SAP130: variants seen among roughly 807,000 people sequenced by gnomAD.
The protein encoded by SAP130 is Sin3A associated protein 130.
SAP130 carries 16 observed loss-of-function variants against 103.2 expected under a neutral mutation model. The ratio of observed to expected loss-of-function variants is 0.16; its 90% confidence interval spans 0.10 to 0.24. The LOEUF (loss-of-function observed/expected upper bound fraction) is 0.24, where lower values mean the gene tolerates loss of function less well. Ranked by LOEUF, SAP130 falls within the 10% of genes least tolerant of loss-of-function variation. The probability of loss-of-function intolerance (pLI) is 1.00; values close to 1 mark genes in which losing one functional copy is unlikely to be tolerated. For missense variants in SAP130, 990 were observed against 1,359.7 expected, an observed-to-expected ratio of 0.73 and a Z score of 4.28; for synonymous variants, 477 against 497.0, an observed-to-expected ratio of 0.96 and a Z score of 0.53.
intron 2 of SAP130, among the ~76,000 whole-genome samples, chr2:128,024,107 T>C (rs1001025838): frequency 9.2e-5 from 14 of 152,132 alleles, no homozygotes; most frequent in Admixed American, 2.0e-4. Context: ...GAAATATGAG[T>C]AGATACCATC....
intron 5 of SAP130, among the ~76,000 whole-genome samples, chr2:128,013,520 C>A (rs4392195): frequency 2.6e-5 from 4 of 151,858 alleles, no homozygotes; most frequent in South Asian, 2.1e-4. Context: ...TCGACATTGC[C>A]AAAGGGACAC....
At chr2:127,967,241 G>C (rs1680719847) in intron 15 of SAP130, among the ~76,000 whole-genome samples, 1 of 152,096 alleles carries the variant, frequency 6.6e-6, no homozygotes, top group Admixed American at 6.6e-5. Context: ...CTCCCTACCA[G>C]GGCAGAACTC....
chr2:127,955,889 CAGT>C lies in SAP130; in HGVS notation c.2064-548_2064-546del, dbSNP rs199790107. Among the ~76,000 whole-genome samples the C allele has an allele frequency of 8.0e-3, 1,213 of 152,282 alleles. 27 individuals carry two copies. Among genetic ancestry groups the C allele is most frequent in the African/African-American group, 0.026 (1,075 of 41,548 alleles). On this transcript the variant is annotated intron_variant, in intron 15 of 20. Coordinates refer to ENST00000643581, the MANE Select transcript of SAP130 (RefSeq NM_001330301.2). This position sits in a 1 kb window ranked among gnomAD's most constrained non-coding sequence, Gnocchi z 4.9. ...TGTCCTGCTCCCAAGTTTTTATAAG[CAGT>C]AATAAAATTAACTAAGAAAATAACA...
chr2:127,945,325 A>T, intron 19 of SAP130, 131 bp downstream of exon 19: 1 of 620,420 alleles, frequency 1.6e-6, no homozygotes, highest in Non-Finnish European at 2.9e-6. Context: ...TAGCACACAT[A>T]AAAATTCTAT....
At chr2:128,003,965 T>C (rs1168994176) in intron 7 of SAP130, among the ~76,000 whole-genome samples, 18 of 102,082 alleles carry the variant, frequency 1.8e-4, no homozygotes, top group Middle Eastern at 9.6e-3. Flanking sequence ...AGCTTTTTTT[T>C]TTTTTTTTTT....
chr2:127,964,321 CCA>C (rs1392819063), intron 15 of SAP130, among the ~76,000 whole-genome samples: 1 of 151,878 alleles, frequency 6.6e-6, no homozygotes, highest in East Asian at 1.9e-4. Context: ...TGGTAAAACC[CCA>C]CCTCTACTAA....
At chr2:127,977,087 G>A (rs941310361) in intron 15 of SAP130, among the ~76,000 whole-genome samples, 5 of 152,064 alleles carry the variant, frequency 3.3e-5, no homozygotes, top group Non-Finnish European at 7.4e-5. Flanking sequence ...TGGCAATGTG[G>A]GTAGAGAATG....
rs770027518 is a variant in SAP130, at chr2:128,014,855, G to A, written c.567C>T (p.Arg189=). 6.8e-6 allele frequency: 11 copies of A among 1,614,190 alleles called. No individual in the cohort carries two copies. The highest frequency in any genetic ancestry group is 3.3e-5 in the Admixed American group (2 of 60,026). The change falls in exon 5 of 21, where the codon CGC becomes CGT. Residue 189 remains arginine (R), a synonymous_variant. Coordinates refer to ENST00000643581, the MANE Select transcript of SAP130 (RefSeq NM_001330301.2). ...GAAGAGGGGGCCCAGGAGCATTGCT[G>A]CGGATGATAGACATTTGCACATTTG... is the stretch of plus-strand genomic sequence containing the variant. The part of the protein sequence containing the change: ...MTTNVQMSII[R]SNAPGPPLHI...
chr2:127,996,729 T>C lies in SAP130; in HGVS notation c.1214-238A>G, dbSNP rs1160255906. 6.6e-6 allele frequency among the ~76,000 whole-genome samples: 1 copy of C among 152,152 alleles called. No individual in the cohort carries two copies. The highest frequency in any genetic ancestry group is 2.4e-5 in the African/African-American group (1 of 41,430). On this transcript the variant is annotated intron_variant, in intron 10 of 20. Transcript: ENST00000643581. This position sits in a 1 kb window ranked among gnomAD's most constrained non-coding sequence, Gnocchi z 4.3. ...TTCAACATTAATACTGAAACAAAGA[T>C]AGAAGTGACCAGGCTCTTTTCTCCC...
chr2:128,010,446 T>C, intron 6 of SAP130, 53 bp from the exon 7 acceptor site: 1 of 1,542,770 alleles, frequency 6.5e-7, no homozygotes, highest in South Asian at 1.2e-5. Context: ...ATAGAGGAAG[T>C]CAAATACTAA....
intron 6 of SAP130, among the ~76,000 whole-genome samples, chr2:128,011,524 G>A (rs879816493): frequency 6.6e-6 from 1 of 152,108 alleles, no homozygotes; most frequent in African/African-American, 2.4e-5. Context: ...TCTCACACTA[G>A]GGCTACAGCA....
intron 18 of SAP130, among the ~76,000 whole-genome samples, chr2:127,949,667 A>C (rs998048565): frequency 6.6e-6 from 1 of 152,234 alleles, no homozygotes; most frequent in African/African-American, 2.4e-5. Context: ...CAATAAATAC[A>C]CACAGCTTGC....
intron 1 of SAP130, chr2:128,027,294 T>G: frequency 1.7e-6 from 2 of 1,153,372 alleles, no homozygotes; most frequent in Non-Finnish European, 1.1e-6. Context: ...CGCAGTCCTC[T>G]TCCCCCGAAC....
At chr2:127,976,715 T>A (rs1377666897) in intron 15 of SAP130, among the ~76,000 whole-genome samples, 4 of 152,120 alleles carry the variant, frequency 2.6e-5, no homozygotes, top group Non-Finnish European at 5.9e-5. Context: ...ATAGAGACCA[T>A]CCTGGCCAAC....
rs922869081 is a variant in SAP130, at chr2:128,025,820, C to A, written c.112+361G>T. Among the ~76,000 whole-genome samples the A allele has an allele frequency of 1.3e-5, 2 of 152,176 alleles. 1 individual carries two copies. On this transcript the variant is annotated intron_variant, in intron 2 of 20. Coordinates refer to ENST00000643581, the MANE Select transcript of SAP130 (RefSeq NM_001330301.2). ...ACCGCATATCCTTTGTTTTCCACTT[C>A]TTTTCCTAGATAATAAACCCCTAAA... is the stretch of plus-strand genomic sequence containing the variant.
intron 18 of SAP130, among the ~76,000 whole-genome samples, chr2:127,947,764 C>CTGTGTGTGTGAGTGTGAGTGTG (rs147211610): frequency 1.4e-5 from 2 of 143,312 alleles, no homozygotes; most frequent in African/African-American, 2.6e-5. Context: ...TTGTGTGTGT[C>CTGTGTGTGTGAGTGTGAGTGTG]TGTGTGTGTG....
chr2:127,945,135 A>C (rs1488926429), intron 19 of SAP130, among the ~76,000 whole-genome samples: 1 of 152,112 alleles, frequency 6.6e-6, no homozygotes, highest in East Asian at 1.9e-4. Context: ...AGTTGGGAGG[A>C]GGGACTCTCG....
intron 2 of SAP130, among the ~76,000 whole-genome samples, chr2:128,020,059 G>T (rs1685047620): frequency 6.6e-6 from 1 of 152,116 alleles, no homozygotes; most frequent in Non-Finnish European, 1.5e-5. Flanking sequence ...CATAAACAAA[G>T]TAATGTTGCC....
At chr2:128,027,604 G>A (rs1435335256) in intron 1 of SAP130, among the ~76,000 whole-genome samples, 2 of 150,324 alleles carry the variant, frequency 1.3e-5, no homozygotes, top group Admixed American at 6.6e-5. Context: ...TGCTCCAGGA[G>A]CCAAACTCCC....
Sources: gnomAD v4.1 joint callset for allele counts (sites outside exome capture counted in the v4.1 genomes callset) on GRCh38, gnomAD v4.1.1 for gene constraint, Gnocchi (gnomAD v3.1) non-coding constraint, MANE v1.5 for transcripts, NCBI Gene and HGNC (gene_info 2026-07-23, HGNC 2026-07-21) for gene names.